The following SETD1A variants were observed in gnomAD, a reference collection of about 807,000 sequenced individuals.
SETD1A encodes the protein histone-lysine N-methyltransferase SETD1A.
Under a neutral mutation model 149.9 loss-of-function variants are expected in SETD1A, and 29 were observed. The observed-to-expected ratio is 0.19, with a 90% confidence interval of 0.14 to 0.26. SETD1A has a LOEUF of 0.26. Among genes scored for constraint, SETD1A ranks in the 10% least tolerant of loss-of-function variants. The pLI, the probability that SETD1A is intolerant of heterozygous loss-of-function variation, is 1.00. For missense variants in SETD1A, 2,109 were observed against 2,353.1 expected, an observed-to-expected ratio of 0.90 and a Z score of 2.15; for synonymous variants, 1,141 against 968.5, an observed-to-expected ratio of 1.18 and a Z score of -3.31.
intron 13 of SETD1A, among the ~76,000 whole-genome samples, chr16:30,974,873 T>G (rs1227476910): frequency 2.0e-5 from 3 of 152,082 alleles, no homozygotes; most frequent in Non-Finnish European, 2.9e-5. Context: ...CTGGGTGCGG[T>G]GGCTCACGCC....
At chr16:30,967,639 G>A in intron 10 of SETD1A, 51 bp downstream of exon 10, 1 of 1,515,262 alleles carries the variant, frequency 6.6e-7, no homozygotes, top group South Asian at 1.1e-5. Flanking sequence ...GGGTTCTGAT[G>A]GGAGAGCAAG....
chr16:30,958,982 G>GTT (rs1327164918), intron 2 of SETD1A, 101 bp downstream of exon 2: 3 of 1,505,074 alleles, frequency 2.0e-6, no homozygotes, highest in Non-Finnish European at 1.8e-6. Flanking sequence ...TCTTGAAAGT[G>GTT]GGCAGTTGGA....
rs780079484 is a variant in SETD1A, at chr16:30,983,586, G to T, written c.4813-49G>T. ...GTGCTGGCTGGCAGGCGTGCTCAGG[G>T]GCAGGAAGTGGGGGACTCTTCCCTG... On this transcript the variant is annotated intron_variant, in intron 17 of 18. Transcript: ENST00000262519. The surrounding 1 kb of genome is among the most constrained non-coding windows in gnomAD (Gnocchi z 6.8). 1.3e-6 allele frequency: 2 copies of T among 1,587,416 alleles called. No individual in the cohort carries two copies. The highest frequency in any genetic ancestry group is 1.7e-6 in the Non-Finnish European group (2 of 1,168,938).
At position 30,961,449 on chromosome 16, in the gene SETD1A, C is replaced by T. The variant is rs2056050852; in HGVS notation, c.429C>T (p.Thr143=). 4 of 1,614,124 alleles carry T rather than the reference C, an allele frequency of 2.5e-6. No homozygotes were observed. Among genetic ancestry groups the T allele is most frequent in the African/African-American group, 1.3e-5 (1 of 75,038 alleles). The part of the protein sequence containing the change: ...KHLGLARVLF[T]STRGAKETVK... ...TGGGCCTGGCCCGTGTGCTCTTCAC[C>T]AGCACTCGGGGCGCCAAGGAAACGG... The change falls in exon 4 of 19, where the codon ACC becomes ACT. Residue 143 remains threonine, a synonymous_variant. Coordinates refer to ENST00000262519, the MANE Select transcript of SETD1A (RefSeq NM_014712.3). The surrounding 1 kb of genome is among the most constrained non-coding windows in gnomAD (Gnocchi z 4.0).
Position 30,959,091 on chromosome 16 carries a change from G to C in SETD1A, c.151G>C (p.Asp51His). The change falls in exon 3 of 19, where the codon GAC (aspartate) becomes CAC (histidine). Residue 51 changes from aspartate (D) to histidine (H), a missense_variant and splice_region_variant. Around this residue, in one of 8 missense-constraint regions of SETD1A, gnomAD observed 75 missense variants for 95.3 expected, o/e 0.79. Transcript: ENST00000262519. ...RYDGVHFSVN[D>H]SKYIPVEDLQ... ...TTTCTGCTGCTGCTTTCCTTCCTAG[G>C]ACTCAAAGTATATACCAGTCGAAGA... is the stretch of plus-strand genomic sequence containing the variant. The C allele has an allele frequency of 6.2e-7, 1 of 1,609,786 alleles. No homozygotes were observed. Among genetic ancestry groups the C allele is most frequent in the Non-Finnish European group, 8.5e-7 (1 of 1,176,110 alleles).
Position 30,961,198 on chromosome 16 carries a change from A to G in SETD1A, c.247-69A>G. On this transcript the variant is annotated intron_variant, in intron 3 of 18. Coordinates refer to ENST00000262519, the MANE Select transcript of SETD1A (RefSeq NM_014712.3). This position sits in a 1 kb window ranked among gnomAD's most constrained non-coding sequence, Gnocchi z 4.0. ...CTCTTGACTTCATGGAGCTTGCTAA[A>G]GTTTCCCGAAGGACAAAGGAACAGT... 3.9e-6 allele frequency: 6 copies of G among 1,524,052 alleles called. No individual in the cohort carries two copies. Among genetic ancestry groups the G allele is most frequent in the Non-Finnish European group, 5.4e-6 (6 of 1,112,988 alleles). The allele number at this position is 1,524,052 out of a possible 1,614,324, so 94.4% of individuals were successfully genotyped here.
At position 30,965,012 on chromosome 16, in the gene SETD1A, G is replaced by T; in HGVS notation, c.1270G>T (p.Asp424Tyr). Reference protein sequence around the residue: ...PPEPSRPTDQDYRPPASEAPP... With the variant: ...PPEPSRPTDQYYRPPASEAPP... ...CGAGCCCAGCCGGCCCACCGACCAG[G>T]ACTACCGGCCTCCTGCCTCAGAGGC... The change falls in exon 7 of 19, where the codon GAC becomes TAC. Residue 424 changes from aspartate to tyrosine, a missense_variant. Transcript: ENST00000262519. The T allele has an allele frequency of 6.2e-7, 1 of 1,613,558 alleles. No homozygotes were observed. The highest frequency in any genetic ancestry group is 8.5e-7 in the Non-Finnish European group (1 of 1,179,962).
At position 30,979,270 on chromosome 16, in the gene SETD1A, A is replaced by G; in HGVS notation, c.3484A>G (p.Lys1162Glu). The change falls in exon 14 of 19, where the codon AAG becomes GAG. Residue 1162 changes from lysine (K) to glutamate (E), a missense_variant. Coordinates refer to ENST00000262519, the MANE Select transcript of SETD1A (RefSeq NM_014712.3). ...SSPIPLLPPP[K>E]KRRKTVSFSA... ...TCCCATCCCCCTCCTGCCCCCACCC[A>G]AGAAACGCCGGAAAACTGTCTCCTT... The G allele has an allele frequency of 8.8e-7, 1 of 1,133,270 alleles. No homozygotes were observed. Among genetic ancestry groups the G allele is most frequent in the Non-Finnish European group, 1.1e-6 (1 of 888,542 alleles). The allele number at this position is 1,133,270 out of a possible 1,614,324, so 70.2% of individuals were successfully genotyped here.
chr16:30,959,769 T>G (rs1296702497), intron 3 of SETD1A, among the ~76,000 whole-genome samples: 1 of 150,352 alleles, frequency 6.7e-6, no homozygotes, highest in Admixed American at 6.6e-5. Context: ...TTTTTTTTAC[T>G]TTGTACACTT....
chr16:30,980,391 C>T lies in SETD1A; in HGVS notation c.4409-94C>T. 1 of 1,496,424 alleles carries T rather than the reference C, an allele frequency of 6.7e-7. No individual in the cohort carries two copies. Among genetic ancestry groups the T allele is most frequent in the Non-Finnish European group, 9.0e-7 (1 of 1,109,240 alleles). The allele number at this position is 1,496,424 out of a possible 1,614,324, so 92.7% of individuals were successfully genotyped here. On this transcript the variant is annotated intron_variant, in intron 14 of 18. Coordinates refer to ENST00000262519, the MANE Select transcript of SETD1A (RefSeq NM_014712.3). The surrounding 1 kb of genome is among the most constrained non-coding windows in gnomAD (Gnocchi z 7.7). Reference sequence around the variant, plus strand: ...CTGGGGCTTCCTCCCCTGTCCCTCACCTGGGTATGCTCAGCGGCGTGGGCC... The same window carrying T: ...CTGGGGCTTCCTCCCCTGTCCCTCATCTGGGTATGCTCAGCGGCGTGGGCC...
Position 30,983,054 on chromosome 16 carries a change from A to G in SETD1A, c.4813-581A>G, listed in dbSNP as rs1019885427. Among the ~76,000 whole-genome samples the G allele has an allele frequency of 3.9e-5, 6 of 151,992 alleles. No homozygotes were observed. Among genetic ancestry groups the G allele is most frequent in the African/African-American group, 1.5e-4 (6 of 41,366 alleles). On this transcript the variant is annotated intron_variant, in intron 17 of 18. Transcript: ENST00000262519. This position sits in a 1 kb window ranked among gnomAD's most constrained non-coding sequence, Gnocchi z 6.8. Reference sequence around the variant, plus strand: ...TGGCTGGAAATGGAAGTTTGGGAGGAGTCCCCACCACATAGCTGGCGGCTG... The same window carrying G: ...TGGCTGGAAATGGAAGTTTGGGAGGGGTCCCCACCACATAGCTGGCGGCTG...
At position 30,979,347 on chromosome 16, in the gene SETD1A, G is replaced by C. The variant is rs760323682; in HGVS notation, c.3561G>C (p.Pro1187=). Residue 1187 remains proline (P), a synonymous_variant, in exon 14 of 19, where the codon CCG becomes CCC. Transcript: ENST00000262519. ...CGGAGCCCCCTCCAGCCACACCGCC[G>C]CAGGCCAAGTTTCCCGGCCCAGCCT... The part of the protein sequence containing the change: ...PAPEPPPATP[P]QAKFPGPASR... 1.2e-6 allele frequency: 2 copies of C among 1,612,390 alleles called. No individual in the cohort carries two copies. The highest frequency in any genetic ancestry group is 2.7e-5 in the African/African-American group (2 of 74,690).
rs1053173218 is a variant in SETD1A, at chr16:30,961,143, T to A, written c.247-124T>A. On this transcript the variant is annotated intron_variant, in intron 3 of 18. Coordinates refer to ENST00000262519, the MANE Select transcript of SETD1A (RefSeq NM_014712.3). This position sits in a 1 kb window ranked among gnomAD's most constrained non-coding sequence, Gnocchi z 4.0. Reference sequence around the variant, plus strand: ...TGATGGATCCCTTATTTTGGGCCCCTTCCCTTGCCCCTCACTTTCCCGGAT... The same window carrying A: ...TGATGGATCCCTTATTTTGGGCCCCATCCCTTGCCCCTCACTTTCCCGGAT... 4 of 972,936 alleles carry A rather than the reference T, an allele frequency of 4.1e-6. No homozygotes were observed. Among genetic ancestry groups the A allele is most frequent in the Middle Eastern group, 2.3e-4 (1 of 4,276 alleles). 60.3% of individuals were successfully genotyped at this position (972,936 alleles called of 1,614,324 possible). A position where few individuals can be genotyped will look rare whatever the true frequency, so the allele number is the denominator to read the frequency against.
At position 30,980,155 on chromosome 16, in the gene SETD1A, G is replaced by A. The variant is rs2056353185; in HGVS notation, c.4369G>A (p.Ala1457Thr). ...GCGGCTGCTGCAGCAGACAAGCGGG[G>A]CTGACTGGCTCAACGACACTCACTG... ...YERLLQQTSG[A>T]DWLNDTHWVH... Residue 1457 changes from alanine to threonine, a missense_variant, in exon 14 of 19, where the codon GCT becomes ACT. By Grantham distance (58) the Ala-to-Thr change is moderately conservative. Around this residue, in one of 8 missense-constraint regions of SETD1A, gnomAD observed 254 missense variants for 409.3 expected, o/e 0.62. Transcript: ENST00000262519. This position sits in a 1 kb window ranked among gnomAD's most constrained non-coding sequence, Gnocchi z 7.7. The A allele has an allele frequency of 5.0e-6, 8 of 1,609,272 alleles. No homozygotes were observed. The highest frequency in any genetic ancestry group is 6.8e-6 in the Non-Finnish European group (8 of 1,178,454).
intron 12 of SETD1A, among the ~76,000 whole-genome samples, chr16:30,970,894 C>A (rs1047006893): frequency 1.3e-5 from 2 of 152,216 alleles, no homozygotes; most frequent in East Asian, 1.9e-4. Flanking sequence ...TTTTCGAGTC[C>A]TTCCCGTACA....
intron 13 of SETD1A, among the ~76,000 whole-genome samples, chr16:30,975,883 T>C (rs1230818196): frequency 1.3e-5 from 2 of 151,998 alleles, no homozygotes; most frequent in Non-Finnish European, 2.9e-5. Context: ...TAGATGAGGT[T>C]TGGGCATGTT....
chr16:30,965,495 G>A (rs775445236), intron 7 of SETD1A, 34 bp downstream of exon 7: 3 of 1,582,802 alleles, frequency 1.9e-6, no homozygotes, highest in Non-Finnish European at 2.6e-6. Flanking sequence ...AGGCACCTGG[G>A]CTCTGGGAGT....
At chr16:30,959,291 C>T (rs2056013281) in intron 3 of SETD1A, 105 bp downstream of exon 3, 2 of 796,360 alleles carry the variant, frequency 2.5e-6, no homozygotes, top group Non-Finnish European at 4.4e-6. Flanking sequence ...GGATCTCAGC[C>T]AGATCTAGCA....
Position 30,969,612 on chromosome 16 carries a change from A to T in SETD1A, c.2939A>T (p.Asp980Val). The change falls in exon 12 of 19, where the codon GAT becomes GTT. Residue 980 changes from aspartate (D) to valine (V), a missense_variant. This residue lies in a region of SETD1A where 832 missense variants were observed against 815.6 expected (regional missense o/e 1.02). Transcript: ENST00000262519. Reference sequence around the variant, plus strand: ...GTCTTTTTTCTTAAGGATGAGGAGGATGACGAGGAAGATGAGGAAGATGAA... The same window carrying T: ...GTCTTTTTTCTTAAGGATGAGGAGGTTGACGAGGAAGATGAGGAAGATGAA... ...QESSSEKDEE[D>V]DEEDEEDEDR... 1 of 1,614,070 alleles carries T rather than the reference A, an allele frequency of 6.2e-7. No homozygotes were observed. Among genetic ancestry groups the T allele is most frequent in the Non-Finnish European group, 8.5e-7 (1 of 1,179,926 alleles).
Sources: allele counts gnomAD v4.1 joint callset (sites outside exome capture counted in the v4.1 genomes callset), GRCh38; gene constraint gnomAD v4.1.1; regional missense constraint gnomAD v4.1.1; non-coding constraint Gnocchi (gnomAD v3.1); transcripts MANE v1.5; gene names NCBI Gene and HGNC (gene_info 2026-07-23, HGNC 2026-07-21).